DGKB: variants seen among roughly 807,000 people sequenced by gnomAD.
DGKB encodes diacylglycerol kinase beta.
DGKB carries 67 observed loss-of-function variants against 114.3 expected under a neutral mutation model. The observed-to-expected ratio is 0.59, with a 90% CI of 0.48 to 0.72. DGKB has a LOEUF of 0.72. Ranked by LOEUF, DGKB falls within the 30% of genes least tolerant of loss-of-function variation. The pLI is 0.00. For synonymous variants in DGKB, 398 were observed against 323.1 expected (o/e 1.23, Z -2.49); for missense variants, 907 against 975.2 (o/e 0.93, Z 0.93).
At position 14,807,819 on chromosome 7, in the gene DGKB, G is replaced by A. The variant is rs367683248; in HGVS notation, c.70+33375C>T. Among the ~76,000 whole-genome samples the A allele has an allele frequency of 1.8e-4, 28 of 152,042 alleles. No individual in the cohort carries two copies. The East Asian group carries it at 5.0e-3, about 27-fold the overall frequency. ...ATTTGTTTTTGTTCTAAAAAATTGT[G>A]TATTATGAAAAGCATGTCCTCAAAA... On this transcript the variant is annotated intron_variant, in intron 2 of 25. Transcript: ENST00000402815.
At chr7:14,612,610 A>G (rs954647276) in intron 16 of DGKB, among the ~76,000 whole-genome samples, 3 of 152,082 alleles carry the variant, frequency 2.0e-5, no homozygotes, top group Non-Finnish European at 4.4e-5. Context: ...AATTTGTTAT[A>G]CTGTTATCAT....
chr7:14,230,850 G>T (rs985105), intron 23 of DGKB, among the ~76,000 whole-genome samples: 34,441 of 151,862 alleles, frequency 0.23, 3,986 homozygotes, highest in Middle Eastern at 0.32. Context: ...CTAAGTCAAA[G>T]TACCTCAGGG....
intron 13 of DGKB, among the ~76,000 whole-genome samples, chr7:14,632,770 G>T (rs953863880): frequency 6.6e-6 from 1 of 151,698 alleles, no homozygotes; most frequent in Non-Finnish European, 1.5e-5. Context: ...TAGGCTGCTG[G>T]GAAAGAGGAA....
At position 14,333,921 on chromosome 7, in the gene DGKB, G is replaced by T. The variant is rs145630552; in HGVS notation, c.2122+4594C>A. On this transcript the variant is annotated intron_variant, in intron 23 of 25. Transcript: ENST00000402815. ...TTTATTCTGTGTACATACCTGAAAA[G>T]CTCCAATTTCATTGCTGGCTGCTTA... Among the ~76,000 whole-genome samples the T allele has an allele frequency of 7.1e-3, 1,079 of 152,218 alleles. 12 individuals carry two copies. The highest frequency in any genetic ancestry group is 0.025 in the African/African-American group (1,044 of 41,528).
chr7:14,195,983 T>C (rs1784963502), intron 23 of DGKB, among the ~76,000 whole-genome samples: 1 of 152,276 alleles, frequency 6.6e-6, no homozygotes, highest in East Asian at 1.9e-4. Context: ...AGGCGACATG[T>C]CTAAATAGAA....
At chr7:14,371,128 A>G (rs1261002475) in intron 21 of DGKB, among the ~76,000 whole-genome samples, 1 of 152,192 alleles carries the variant, frequency 6.6e-6, no homozygotes, top group African/African-American at 2.4e-5. Flanking sequence ...TACAACGAAC[A>G]TATGAGTGCA....
chr7:14,834,901 C>T (rs529486309), intron 2 of DGKB, among the ~76,000 whole-genome samples: 9 of 152,142 alleles, frequency 5.9e-5, no homozygotes, highest in African/African-American at 1.4e-4. Context: ...GGAGTTTAGA[C>T]GTTCATAGTT....
In DGKB at chr7:14,673,043, G is replaced by A. The variant is rs1240084547; in HGVS notation, c.1036-16C>T. 4 of 1,482,652 alleles carry A rather than the reference G, an allele frequency of 2.7e-6. No homozygotes were observed. The highest frequency in any genetic ancestry group is 2.8e-5 in the African/African-American group (2 of 71,868). The allele number at this position is 1,482,652 out of a possible 1,614,324, so 91.8% of individuals were successfully genotyped here. ...TATTATGCAGCTAGAAAAACAGAAA[G>A]GGGGATAGTATCAAATTCTACATGA... On this transcript the variant is annotated splice_polypyrimidine_tract_variant and intron_variant, in intron 12 of 25. Coordinates refer to ENST00000402815, the MANE Select transcript of DGKB (RefSeq NM_001350709.2).
At chr7:14,925,828 T>C (rs1373754344) in intron 1 of DGKB, among the ~76,000 whole-genome samples, 2 of 151,980 alleles carry the variant, frequency 1.3e-5, no homozygotes, top group African/African-American at 2.4e-5. Flanking sequence ...ATTTTCTATG[T>C]GGACCTTCAT....
chr7:14,609,661 TAAATC>T (rs1437940308), intron 16 of DGKB, among the ~76,000 whole-genome samples: 1 of 151,902 alleles, frequency 6.6e-6, no homozygotes, highest in African/African-American at 2.4e-5. Context: ...TATAAGAACT[TAAATC>T]AATGGGAAAA....
chr7:14,568,697 T>C (rs1434696805), intron 20 of DGKB, among the ~76,000 whole-genome samples: 1 of 152,190 alleles, frequency 6.6e-6, no homozygotes, highest in Admixed American at 6.5e-5. Flanking sequence ...AGTCAACCCA[T>C]TCTGAATAAT....
intron 23 of DGKB, among the ~76,000 whole-genome samples, chr7:14,243,275 G>A (rs1562720291): frequency 6.6e-6 from 1 of 152,170 alleles, no homozygotes. Context: ...GACACTTAAA[G>A]AATTGTGCAG....
chr7:14,148,787 G>T lies in DGKB; in HGVS notation c.*344C>A. The T allele has an allele frequency of 3.0e-6, 1 of 328,068 alleles. No individual in the cohort carries two copies. The highest frequency in any genetic ancestry group is 5.7e-6 in the Non-Finnish European group (1 of 175,680). 20.3% of individuals were successfully genotyped at this position (328,068 alleles called of 1,614,324 possible). The stretch of plus-strand genomic sequence containing the variant: ...CACACTGAGAATCACGTTTCCCATG[G>T]TATTTCCTTTTTCATGTTTCACGGG... On this transcript the variant is annotated 3_prime_UTR_variant, in exon 26 of 26. Coordinates refer to ENST00000402815, the MANE Select transcript of DGKB (RefSeq NM_001350709.2).
At chr7:14,566,732 AG>A (rs1289079733) in intron 20 of DGKB, among the ~76,000 whole-genome samples, 12 of 152,206 alleles carry the variant, frequency 7.9e-5, no homozygotes, top group African/African-American at 2.9e-4. Flanking sequence ...TCCATGCTCC[AG>A]GCACATTGAC....
chr7:14,304,085 A>ACTCTCT lies in DGKB; in HGVS notation c.2122+34429_2122+34430insAGAGAG, dbSNP rs1436692665. Among the ~76,000 whole-genome samples, 37 of 28,542 alleles carry ACTCTCT rather than the reference A, an allele frequency of 1.3e-3. No individual in the cohort carries two copies. In the South Asian group the frequency reaches 0.016, roughly 12 times the overall value. The allele number at this position is 28,542 out of a possible 152,430, so 18.7% of individuals were successfully genotyped here. On this transcript the variant is annotated intron_variant, in intron 23 of 25. Coordinates refer to ENST00000402815, the MANE Select transcript of DGKB (RefSeq NM_001350709.2). ...CACACACACACACACACACACACAC[A>ACTCTCT]CACTCTCTCTCTCTCACCCCTACCT...
intron 6 of DGKB, among the ~76,000 whole-genome samples, chr7:14,710,816 G>A (rs551807319): frequency 1.5e-4 from 23 of 152,012 alleles, no homozygotes; most frequent in African/African-American, 5.5e-4. Context: ...ATTTTCTAAA[G>A]TTAAGTCAAA....
chr7:14,490,295 ATC>A (rs1369010504), intron 20 of DGKB, among the ~76,000 whole-genome samples: 1 of 152,182 alleles, frequency 6.6e-6, no homozygotes, highest in African/African-American at 2.4e-5. Flanking sequence ...TCCAAAGAGA[ATC>A]AAGCTTTATT....
intron 23 of DGKB, among the ~76,000 whole-genome samples, chr7:14,298,122 CAT>C (rs1417694712): frequency 6.6e-6 from 1 of 152,128 alleles, no homozygotes; most frequent in Admixed American, 6.5e-5. Context: ...TGAAAATGGC[CAT>C]ACTGCCCAAA....
At chr7:14,331,661 C>T (rs937897800) in intron 23 of DGKB, among the ~76,000 whole-genome samples, 2 of 152,032 alleles carry the variant, frequency 1.3e-5, no homozygotes, top group African/African-American at 2.4e-5. Context: ...CACTCACCAC[C>T]AGTGAGCTCT....
Sources: allele counts gnomAD v4.1 joint callset (sites outside exome capture counted in the v4.1 genomes callset), GRCh38; gene constraint gnomAD v4.1.1; transcripts MANE v1.5; gene names NCBI Gene and HGNC (gene_info 2026-07-23, HGNC 2026-07-21).